LRRC4C: variants seen among roughly 807,000 people sequenced by gnomAD.
LRRC4C encodes the protein leucine rich repeat containing 4C, also known as leucine-rich repeat-containing protein 4C.
A neutral mutation model predicts 33.6 loss-of-function variants in LRRC4C; 5 were observed. The ratio of observed to expected loss-of-function variants is 0.15; its 90% confidence interval spans 0.08 to 0.31. LRRC4C has a LOEUF of 0.31. Among genes scored for constraint, LRRC4C ranks in the 10% least tolerant of loss-of-function variants. The pLI is 1.00. For missense variants in LRRC4C, 560 were observed against 796.7 expected, an observed-to-expected ratio of 0.70 and a Z score of 3.58; for synonymous variants, 329 against 302.0, an observed-to-expected ratio of 1.09 and a Z score of -0.93.
In LRRC4C at chr11:40,746,142, G is replaced by A. The variant is rs560344215; in HGVS notation, c.-406-97864C>T. On this transcript the variant is annotated intron_variant, in intron 2 of 6. Transcript: ENST00000528697. ...AAGAGGGTCCCCAACACAGGGAAAGGCTAAGCGAGAGACCCTTAGTAGTCC... is the reference window on the plus strand; with the variant it reads ...AAGAGGGTCCCCAACACAGGGAAAGACTAAGCGAGAGACCCTTAGTAGTCC... 2.0e-5 allele frequency among the ~76,000 whole-genome samples: 3 copies of A among 152,234 alleles called. No individual in the cohort carries two copies. In the East Asian group the frequency reaches 5.8e-4, roughly 29 times the overall value.
intron 1 of LRRC4C, among the ~76,000 whole-genome samples, chr11:41,304,209 C>A: frequency 8.7e-6 from 1 of 115,048 alleles, no homozygotes; most frequent in African/African-American, 3.1e-5. Context: ...CCGCCCCGTC[C>A]GGGAGGGAGG....
At chr11:40,587,906 A>G (rs1372061247) in intron 3 of LRRC4C, among the ~76,000 whole-genome samples, 1 of 152,184 alleles carries the variant, frequency 6.6e-6, no homozygotes, top group Non-Finnish European at 1.5e-5. Context: ...TTTTGTATCA[A>G]TGTTCCTCAG....
At chr11:40,258,354 G>T (rs574077561) in intron 4 of LRRC4C, among the ~76,000 whole-genome samples, 4 of 152,016 alleles carry the variant, frequency 2.6e-5, no homozygotes, top group Non-Finnish European at 5.9e-5. Context: ...ATTCATACTG[G>T]TTTTTCAATT....
intron 2 of LRRC4C, among the ~76,000 whole-genome samples, chr11:40,703,720 C>T (rs1159979858): frequency 1.3e-5 from 2 of 152,138 alleles, no homozygotes; most frequent in Admixed American, 1.3e-4. Context: ...GTCATGGTGA[C>T]TTAGAATATT....
intron 2 of LRRC4C, among the ~76,000 whole-genome samples, chr11:40,736,144 C>G (rs1947855733): frequency 6.6e-6 from 1 of 152,058 alleles, no homozygotes; most frequent in African/African-American, 2.4e-5. Flanking sequence ...GGTATTTCTC[C>G]TAATGCTATA....
chr11:40,986,063 CTAGT>C (rs1852970054), intron 1 of LRRC4C, among the ~76,000 whole-genome samples: 1 of 152,000 alleles, frequency 6.6e-6, no homozygotes, highest in African/African-American at 2.4e-5. Flanking sequence ...ACTAGTGAAT[CTAGT>C]TAAACTATAT....
chr11:40,857,541 T>C (rs1464390212), intron 2 of LRRC4C, among the ~76,000 whole-genome samples: 1 of 152,188 alleles, frequency 6.6e-6, no homozygotes, highest in Non-Finnish European at 1.5e-5. Context: ...ATATAACCAC[T>C]CAGAAATTCA....
intron 1 of LRRC4C, among the ~76,000 whole-genome samples, chr11:41,296,333 G>C (rs1182586792): frequency 2.1e-5 from 3 of 141,834 alleles, no homozygotes; most frequent in Non-Finnish European, 3.0e-5. Flanking sequence ...TTTTTCTTTT[G>C]AGACCAAGTC....
chr11:41,143,208 A>G (rs770731561), intron 1 of LRRC4C, among the ~76,000 whole-genome samples: 2 of 143,258 alleles, frequency 1.4e-5, no homozygotes, highest in Non-Finnish European at 3.0e-5. Flanking sequence ...TGACAAAAAT[A>G]TGATAAAAGT....
intron 5 of LRRC4C, among the ~76,000 whole-genome samples, chr11:40,152,888 T>C (rs573234622): frequency 2.3e-4 from 35 of 152,172 alleles, no homozygotes; most frequent in African/African-American, 8.4e-4. Flanking sequence ...GCATATTATA[T>C]TGGGAGTTGC....
chr11:40,911,375 A>G (rs1220794122), intron 2 of LRRC4C, among the ~76,000 whole-genome samples: 1 of 152,040 alleles, frequency 6.6e-6, no homozygotes, highest in East Asian at 1.9e-4. Flanking sequence ...AGGCAGCAAC[A>G]TTTGCTGTTC....
intron 3 of LRRC4C, among the ~76,000 whole-genome samples, chr11:40,388,610 G>C (rs961736248): frequency 6.6e-6 from 1 of 152,182 alleles, no homozygotes; most frequent in Non-Finnish European, 1.5e-5. Context: ...ATCATCGTGT[G>C]AGTAAGGAAT....
intron 1 of LRRC4C, among the ~76,000 whole-genome samples, chr11:41,032,367 T>C (rs1437247714): frequency 6.6e-6 from 1 of 152,048 alleles, no homozygotes; most frequent in Non-Finnish European, 1.5e-5. Context: ...ACTTTGTAAT[T>C]CCAAAACATC....
intron 1 of LRRC4C, among the ~76,000 whole-genome samples, chr11:41,019,773 G>A (rs1190294562): frequency 6.6e-6 from 1 of 152,112 alleles, no homozygotes; most frequent in East Asian, 1.9e-4. Context: ...GATAATCAGT[G>A]ATGCTGAGCT....
chr11:41,381,475 A>C (rs572989219), intron 1 of LRRC4C, among the ~76,000 whole-genome samples: 143 of 152,114 alleles, frequency 9.4e-4, no homozygotes, highest in African/African-American at 3.4e-3. Context: ...AAAATACAAA[A>C]AATAAGCTGG....
intron 1 of LRRC4C, among the ~76,000 whole-genome samples, chr11:41,311,061 A>G (rs769025940): frequency 1.2e-4 from 19 of 152,242 alleles, no homozygotes; most frequent in Non-Finnish European, 5.9e-5. Context: ...GTAAACAAGC[A>G]AAGGAGTTCA....
At chr11:41,376,940 T>C (rs1952958080) in intron 1 of LRRC4C, among the ~76,000 whole-genome samples, 1 of 152,124 alleles carries the variant, frequency 6.6e-6, no homozygotes, top group Non-Finnish European at 1.5e-5. Context: ...CAATTAACTT[T>C]CAATGGAAAA....
chr11:40,767,089 C>T (rs1949510160), intron 2 of LRRC4C, among the ~76,000 whole-genome samples: 1 of 151,532 alleles, frequency 6.6e-6, no homozygotes, highest in Admixed American at 6.6e-5. Flanking sequence ...AAGCATACTT[C>T]ACCTATAAAA....
At chr11:40,991,317 C>T (rs1295083286) in intron 1 of LRRC4C, among the ~76,000 whole-genome samples, 2 of 150,116 alleles carry the variant, frequency 1.3e-5, no homozygotes, top group African/African-American at 4.9e-5. Context: ...CTCAGTGAAT[C>T]AATATTTTCC....
Sources: gnomAD v4.1 joint callset for allele counts (sites outside exome capture counted in the v4.1 genomes callset) on GRCh38, gnomAD v4.1.1 for gene constraint, MANE v1.5 for transcripts, NCBI Gene and HGNC (gene_info 2026-07-23, HGNC 2026-07-21) for gene names.